Variants in ELMO1 observed in about 807,000 individuals in gnomAD.
ELMO1 encodes the protein engulfment and cell motility 1.
Under a neutral mutation model 98.9 loss-of-function variants are expected in ELMO1, and 26 were observed. The ratio of observed to expected loss-of-function variants is 0.26; its 90% CI spans 0.19 to 0.36. ELMO1 has a LOEUF of 0.36. ELMO1 is among the 10% of genes least tolerant of loss of function. ELMO1 has a pLI of 1.00. For synonymous variants in ELMO1, 346 were observed against 346.0 expected (o/e 1.00, Z 0.00); for missense variants, 627 against 935.2 (o/e 0.67, Z 4.30).
intron 18 of ELMO1, among the ~76,000 whole-genome samples, chr7:36,880,831 G>A (rs1275319481): frequency 6.6e-6 from 1 of 152,196 alleles, no homozygotes; most frequent in East Asian, 1.9e-4. Context: ...ATCTGTCAGA[G>A]TTTCAAGAGG....
chr7:37,033,026 C>T (rs1050720115), intron 15 of ELMO1, among the ~76,000 whole-genome samples: 3 of 152,096 alleles, frequency 2.0e-5, no homozygotes, highest in Non-Finnish European at 4.4e-5. Context: ...CGCCGAGAAG[C>T]GATAAAATCA....
At chr7:37,250,663 G>A (rs1197512578) in intron 6 of ELMO1, among the ~76,000 whole-genome samples, 2 of 151,852 alleles carry the variant, frequency 1.3e-5, no homozygotes, top group East Asian at 3.9e-4. Context: ...GTGGTGGCAG[G>A]TGCCTGTAGT....
chr7:37,308,018 C>G (rs964564774), intron 4 of ELMO1, among the ~76,000 whole-genome samples: 20 of 152,146 alleles, frequency 1.3e-4, no homozygotes, highest in African/African-American at 4.6e-4. Flanking sequence ...CAGGATGAGG[C>G]AGGAGAATTG....
chr7:37,134,518 C>A (rs2129301289), intron 13 of ELMO1, among the ~76,000 whole-genome samples: 1 of 144,788 alleles, frequency 6.9e-6, no homozygotes, highest in Non-Finnish European at 1.5e-5. Flanking sequence ...GAGATCACGC[C>A]ATTGCACTCC....
intron 16 of ELMO1, among the ~76,000 whole-genome samples, chr7:36,996,092 T>C (rs1323036461): frequency 6.6e-6 from 1 of 152,024 alleles, no homozygotes; most frequent in East Asian, 1.9e-4. Context: ...ACAATAAATA[T>C]CACCAAAAGA....
chr7:37,437,133 T>A (rs1805184816), intron 1 of ELMO1, among the ~76,000 whole-genome samples: 1 of 152,198 alleles, frequency 6.6e-6, no homozygotes, highest in Non-Finnish European at 1.5e-5. Flanking sequence ...CCAGTTCAAC[T>A]GAATGAAATT....
intron 15 of ELMO1, among the ~76,000 whole-genome samples, chr7:37,088,680 T>G (rs79440786): frequency 0.02 from 3,096 of 152,254 alleles, 96 homozygotes; most frequent in African/African-American, 0.07. Context: ...GGGCTTCTGA[T>G]CCTGAATGCA....
At chr7:36,918,684 TC>T (rs1217709741) in intron 16 of ELMO1, among the ~76,000 whole-genome samples, 1 of 152,226 alleles carries the variant, frequency 6.6e-6, no homozygotes, top group East Asian at 1.9e-4. Context: ...CCACTCATGT[TC>T]TTTGGATTGT....
chr7:37,267,031 GTATA>G lies in ELMO1; in HGVS notation c.243+4797_243+4800del, dbSNP rs1163366382. Among the ~76,000 whole-genome samples the G allele has an allele frequency of 7.8e-3, 206 of 26,536 alleles. 14 individuals are homozygous for G. Among genetic ancestry groups the G allele is most frequent in the South Asian group, 8.6e-3 (7 of 812 alleles). The allele number at this position is 26,536 out of a possible 152,430, so 17.4% of individuals were successfully genotyped here. On this transcript the variant is annotated intron_variant, in intron 5 of 21. Transcript: ENST00000310758. ...CCATCTAAAAAAAAAAAAAAAATAT[GTATA>G]TATACACACACACACACACACACAC... is the stretch of plus-strand genomic sequence containing the variant.
chr7:36,975,669 A>G (rs1382485788), intron 16 of ELMO1, among the ~76,000 whole-genome samples: 6 of 151,812 alleles, frequency 4.0e-5, no homozygotes, highest in African/African-American at 1.5e-4. Flanking sequence ...CAACATGGTG[A>G]AACCGCGTCT....
chr7:37,217,480 G>C (rs1387866426), intron 10 of ELMO1, among the ~76,000 whole-genome samples: 1 of 147,312 alleles, frequency 6.8e-6, no homozygotes, highest in Non-Finnish European at 1.5e-5. Flanking sequence ...TTGTGGTAGG[G>C]GGTGTTTTTG....
At chr7:37,076,333 G>C (rs554817337) in intron 15 of ELMO1, among the ~76,000 whole-genome samples, 18 of 152,222 alleles carry the variant, frequency 1.2e-4, no homozygotes, top group Middle Eastern at 6.8e-3. Flanking sequence ...CATGACTAAA[G>C]AGGAATACTC....
chr7:37,187,417 C>G (rs903033107), intron 13 of ELMO1, among the ~76,000 whole-genome samples: 1 of 152,122 alleles, frequency 6.6e-6, no homozygotes, highest in African/African-American at 2.4e-5. Flanking sequence ...AGCACCCAAA[C>G]TGTACATTTT....
chr7:37,220,998 C>T (rs73108966), intron 10 of ELMO1, among the ~76,000 whole-genome samples: 186 of 152,278 alleles, frequency 1.2e-3, no homozygotes, highest in Middle Eastern at 3.4e-3. Flanking sequence ...AGACAACTTC[C>T]GGGCTGCTTG....
chr7:36,935,813 T>C (rs1584399324), intron 16 of ELMO1, among the ~76,000 whole-genome samples: 2 of 152,104 alleles, frequency 1.3e-5, no homozygotes, highest in African/African-American at 4.8e-5. Context: ...GAATAGGTGG[T>C]GGTATGCTAG....
chr7:36,924,906 A>G (rs1248957955), intron 16 of ELMO1, among the ~76,000 whole-genome samples: 1 of 152,212 alleles, frequency 6.6e-6, no homozygotes, highest in South Asian at 2.1e-4. Flanking sequence ...TGTGGAGGAA[A>G]AAAAGCTGAT....
At chr7:37,407,644 T>C (rs1803828779) in intron 1 of ELMO1, among the ~76,000 whole-genome samples, 1 of 151,988 alleles carries the variant, frequency 6.6e-6, no homozygotes, top group Admixed American at 6.6e-5. Flanking sequence ...AATAAAAACA[T>C]CGGTAGTTGC....
At chr7:37,386,387 C>T (rs1405400091) in intron 1 of ELMO1, among the ~76,000 whole-genome samples, 1 of 151,818 alleles carries the variant, frequency 6.6e-6, no homozygotes, top group Non-Finnish European at 1.5e-5. Flanking sequence ...GAGGGGGGAG[C>T]CCAGGTCTCC....
chr7:37,301,132 TG>T (rs1167157812), intron 4 of ELMO1, among the ~76,000 whole-genome samples: 1 of 152,284 alleles, frequency 6.6e-6, no homozygotes, highest in East Asian at 1.9e-4. Context: ...TATCATTTTT[TG>T]TTGTAAGACT....
Sources: allele counts gnomAD v4.1 joint callset (sites outside exome capture counted in the v4.1 genomes callset), GRCh38; gene constraint gnomAD v4.1.1; transcripts MANE v1.5; gene names NCBI Gene and HGNC (gene_info 2026-07-23, HGNC 2026-07-21).